The following PCDHA5 variants were observed in gnomAD, a reference collection of about 807,000 sequenced individuals.
The protein encoded by PCDHA5 is protocadherin alpha 5, also known as protocadherin alpha-5.
PCDHA5 carries 43 observed loss-of-function variants against 61.6 expected under a neutral mutation model. The ratio of observed to expected loss-of-function variants is 0.70; its 90% CI spans 0.55 to 0.90. The LOEUF is 0.90. PCDHA5 is among the 40% of genes least tolerant of loss of function. The pLI, the probability that PCDHA5 is intolerant of heterozygous loss-of-function variation, is 0.00. For missense variants in PCDHA5, 1,298 were observed against 1,222.7 expected (o/e 1.06, Z -0.92); for synonymous variants, 627 against 543.9 (o/e 1.15, Z -2.13).
chr5:140,917,960 T>C (rs531936377), intron 1 of PCDHA5, among the ~76,000 whole-genome samples: 8 of 152,316 alleles, frequency 5.3e-5, no homozygotes, highest in East Asian at 3.9e-4. Context: ...AGGAACATCA[T>C]TGAATCTGTG....
intron 1 of PCDHA5, chr5:140,851,052 C>A (rs571650734): frequency 1.4e-6 from 2 of 1,383,936 alleles, no homozygotes; most frequent in Admixed American, 2.8e-5. Context: ...CCGACTTTGT[C>A]TTGACTTCTA....
chr5:140,822,714 C>T lies in PCDHA5; in HGVS notation c.939C>T (p.Asn313=), dbSNP rs1554128827. Reference sequence around the variant, plus strand: ...GGGAACTGGATTATGAAGACTATAACTCATATGAAATTAATATTGATGCCA... The same window carrying T: ...GGGAACTGGATTATGAAGACTATAATTCATATGAAATTAATATTGATGCCA... ...VNGELDYEDY[N]SYEINIDAMD... Residue 313 remains asparagine, a synonymous_variant, in exon 1 of 4, where the codon AAC becomes AAT. Transcript: ENST00000529859. 1.2e-6 allele frequency: 2 copies of T among 1,610,828 alleles called. No homozygotes were observed. Among genetic ancestry groups the T allele is most frequent in the Non-Finnish European group, 1.7e-6 (2 of 1,177,138 alleles).
chr5:140,861,362 C>T (rs2046877441), intron 1 of PCDHA5: 11 of 354,006 alleles, frequency 3.1e-5, no homozygotes, highest in South Asian at 2.4e-4. Context: ...ATAGCGTCTT[C>T]GCGGTCCCTA....
intron 1 of PCDHA5, chr5:140,876,322 A>G (rs146464308): frequency 6.2e-7 from 1 of 1,614,034 alleles, no homozygotes; most frequent in Non-Finnish European, 8.5e-7. Context: ...GATCAAAATG[A>G]TTTTGCCAGT....
At chr5:140,866,711 G>A (rs1554160494) in intron 1 of PCDHA5, 1 of 152,110 alleles carries the variant, frequency 6.6e-6, no homozygotes, top group African/African-American at 2.4e-5. Flanking sequence ...ACGTGCACTA[G>A]TAAGACATTA....
intron 1 of PCDHA5, chr5:140,864,139 T>C (rs2048337993): frequency 6.6e-6 from 1 of 152,226 alleles, no homozygotes; most frequent in South Asian, 2.1e-4. Context: ...GGCTGTTTCC[T>C]GTAAATGAGA....
intron 1 of PCDHA5, chr5:140,861,364 C>T (rs1581608735): frequency 2.8e-6 from 1 of 356,870 alleles, no homozygotes; most frequent in South Asian, 2.7e-5. Flanking sequence ...AGCGTCTTCG[C>T]GGTCCCTATT....
At chr5:140,905,343 G>C (rs2071757275) in intron 1 of PCDHA5, among the ~76,000 whole-genome samples, 1 of 152,148 alleles carries the variant, frequency 6.6e-6, no homozygotes, top group Non-Finnish European at 1.5e-5. Context: ...TCAGTTGGCT[G>C]TAAGTATTTG....
chr5:140,874,673 TG>T (rs1192690253), intron 1 of PCDHA5, among the ~76,000 whole-genome samples: 4 of 152,260 alleles, frequency 2.6e-5, no homozygotes, highest in African/African-American at 9.6e-5. Context: ...AATCTATTCC[TG>T]AGATTTGTTT....
chr5:140,829,223 G>C (rs1259859685), intron 1 of PCDHA5: 1 of 1,614,124 alleles, frequency 6.2e-7, no homozygotes, highest in Non-Finnish European at 8.5e-7. Context: ...GAACGACCTC[G>C]ATTCAGGTGC....
intron 1 of PCDHA5, chr5:140,835,887 C>G (rs1554135389): frequency 1.2e-6 from 2 of 1,611,898 alleles, no homozygotes; most frequent in Non-Finnish European, 1.7e-6. Flanking sequence ...GGTGGGCGAG[C>G]GCGCGCTGTC....
Position 141,011,060 on chromosome 5 carries a change from A to G in PCDHA5, c.*1123A>G, listed in dbSNP as rs1588257572. On this transcript the variant is annotated 3_prime_UTR_variant, in exon 4 of 4. Coordinates refer to ENST00000529859, the MANE Select transcript of PCDHA5 (RefSeq NM_018908.3). ...AGGTCACTCTGGGGCTGCCTCTTGC[A>G]TGTATTACTAAATAAAATGATCTCT... is the stretch of plus-strand genomic sequence containing the variant. 1.3e-5 allele frequency: 2 copies of G among 153,758 alleles called. No individual in the cohort carries two copies. Among genetic ancestry groups the G allele is most frequent in the Non-Finnish European group, 2.9e-5 (2 of 68,046 alleles). The allele number at this position is 153,758 out of a possible 1,614,324, so 9.5% of individuals were successfully genotyped here. A position where few individuals can be genotyped will look rare whatever the true frequency, so the allele number is the denominator to read the frequency against.
chr5:140,831,947 A>G (rs1581926108), intron 1 of PCDHA5, among the ~76,000 whole-genome samples: 1 of 152,334 alleles, frequency 6.6e-6, no homozygotes, highest in East Asian at 1.9e-4. Flanking sequence ...AGAGGAAAAG[A>G]AAAACTTTAT....
chr5:140,943,620 A>G (rs1285848217), intron 1 of PCDHA5, among the ~76,000 whole-genome samples: 1 of 152,200 alleles, frequency 6.6e-6, no homozygotes, highest in Non-Finnish European at 1.5e-5. Context: ...ATTCATCTGC[A>G]TAAGGAAGCT....
intron 1 of PCDHA5, chr5:140,851,035 A>G: frequency 7.1e-7 from 1 of 1,400,972 alleles, no homozygotes; most frequent in Non-Finnish European, 9.4e-7. Context: ...ACCCCTTAAC[A>G]TTGGAGCCGA....
chr5:140,839,718 T>C (rs182752192), intron 1 of PCDHA5, among the ~76,000 whole-genome samples: 1 of 152,078 alleles, frequency 6.6e-6, no homozygotes, highest in African/African-American at 2.4e-5. Flanking sequence ...CAAATTTAAA[T>C]CATTTCACAG....
chr5:140,877,341 C>G, intron 1 of PCDHA5: 3 of 1,614,010 alleles, frequency 1.9e-6, no homozygotes, highest in South Asian at 2.2e-5. Flanking sequence ...TCCCGTTCCA[C>G]GTGGGGCTGT....
chr5:140,882,897 T>A, intron 1 of PCDHA5: 1 of 1,614,220 alleles, frequency 6.2e-7, no homozygotes, highest in South Asian at 1.1e-5. Context: ...GAACATAGTT[T>A]ATTACTGACA....
chr5:141,006,177 AAG>A (rs2098258661), intron 3 of PCDHA5, among the ~76,000 whole-genome samples: 2 of 151,826 alleles, frequency 1.3e-5, no homozygotes, highest in African/African-American at 4.8e-5. Context: ...ATATTTTTAA[AAG>A]AGTTTGCTAT....
Sources: allele counts gnomAD v4.1 joint callset (sites outside exome capture counted in the v4.1 genomes callset), GRCh38; gene constraint gnomAD v4.1.1; transcripts MANE v1.5; gene names NCBI Gene and HGNC (gene_info 2026-07-23, HGNC 2026-07-21).